CPB1: variants seen among roughly 807,000 people sequenced by gnomAD.
CPB1 encodes the protein carboxypeptidase B1, also known as carboxypeptidase B.
CPB1 carries 53 observed loss-of-function variants against 51.4 expected under a neutral mutation model. The observed-to-expected ratio is 1.03, with a 90% CI of 0.83 to 1.30. The LOEUF (loss-of-function observed/expected upper bound fraction) is 1.30. Ranked by LOEUF, CPB1 falls within the 50% of genes most tolerant of loss-of-function variation. The pLI is 0.00. For missense variants in CPB1, 494 were observed against 516.2 expected, an observed-to-expected ratio of 0.96 and a Z score of 0.42; for synonymous variants, 189 against 186.9, an observed-to-expected ratio of 1.01 and a Z score of -0.09.
intron 9 of CPB1, among the ~76,000 whole-genome samples, chr3:148,848,162 T>G (rs892204034): frequency 2.0e-5 from 3 of 152,170 alleles, no homozygotes; most frequent in Admixed American, 2.0e-4. Flanking sequence ...ACAAGCTCAT[T>G]AACTATAGTG....
chr3:148,838,959 T>G (rs1036615097), intron 3 of CPB1, among the ~76,000 whole-genome samples: 1 of 152,186 alleles, frequency 6.6e-6, no homozygotes, highest in Non-Finnish European at 1.5e-5. Context: ...TTCCTAACTA[T>G]AAGAGACAGA....
At chr3:148,831,694 G>A (rs62274567) in intron 2 of CPB1, among the ~76,000 whole-genome samples, 9,007 of 152,072 alleles carry the variant, frequency 0.059, 317 homozygotes, top group Middle Eastern at 0.095. Flanking sequence ...TCCAATAAGT[G>A]TTCTATATGG....
chr3:148,857,507 C>G lies in CPB1; in HGVS notation c.1032C>G (p.Thr344=). 6.2e-7 allele frequency: 1 copy of G among 1,613,904 alleles called. No homozygotes were observed. The highest frequency in any genetic ancestry group is 8.5e-7 in the Non-Finnish European group (1 of 1,179,888). Reference sequence around the variant, plus strand: ...AAGAACTTGCCTCACTGCACGGCACCAAGTACACATATGGCCCGGGAGCTA... The same window carrying G: ...AAGAACTTGCCTCACTGCACGGCACGAAGTACACATATGGCCCGGGAGCTA... ...TVKELASLHG[T]KYTYGPGATT... is the part of the protein sequence containing the mutation. The change falls in exon 10 of 11, where the codon ACC becomes ACG. Residue 344 remains threonine (T), a synonymous_variant. Transcript: ENST00000282957.
At chr3:148,855,799 C>T (rs1266177731) in intron 9 of CPB1, 1 of 152,166 alleles carries the variant, frequency 6.6e-6, no homozygotes, top group Admixed American at 6.5e-5. Flanking sequence ...TCTTTAAGAT[C>T]AGAGGTTCTG....
rs948361279 is a variant in CPB1, at chr3:148,845,705, A to G, written c.981+79A>G. ...TAATCCTGAAAAAAAAATCATTATA[A>G]GAACACTTTCTGGAAGTCCCTTTAT... On this transcript the variant is annotated intron_variant, in intron 9 of 10. Coordinates refer to ENST00000282957, the MANE Select transcript of CPB1 (RefSeq NM_001871.3). The G allele has an allele frequency of 5.0e-6, 6 of 1,197,886 alleles. No homozygotes were observed. The Admixed American group carries it at 1.0e-4, about 21-fold the overall frequency. 74.2% of individuals were successfully genotyped at this position (1,197,886 alleles called of 1,614,324 possible). A position where few individuals can be genotyped will look rare whatever the true frequency, so the allele number is the denominator to read the frequency against.
At chr3:148,833,461 C>T (rs1712798454) in intron 2 of CPB1, among the ~76,000 whole-genome samples, 1 of 152,098 alleles carries the variant, frequency 6.6e-6, no homozygotes, top group African/African-American at 2.4e-5. Context: ...TGCTGCATAA[C>T]CTCTAAGTCT....
intron 2 of CPB1, among the ~76,000 whole-genome samples, chr3:148,828,550 G>A (rs749893282): frequency 5.3e-5 from 8 of 152,094 alleles, no homozygotes; most frequent in South Asian, 2.1e-4. Flanking sequence ...ATGATATGAC[G>A]TGAGGGGGAA....
At position 148,827,909 on chromosome 3, in the gene CPB1, T is replaced by C. The variant is rs1559954975; in HGVS notation, c.71+15T>C. ...CACTTTGAAGGGTAAGTAAGCCATC[T>C]TTAAGGAGCAAGTCCTTCTTCCTTG... is the stretch of plus-strand genomic sequence containing the variant. On this transcript the variant is annotated intron_variant, in intron 1 of 10. Transcript: ENST00000282957. 6.2e-7 allele frequency: 1 copy of C among 1,614,018 alleles called. No homozygotes were observed. Among genetic ancestry groups the C allele is most frequent in the Non-Finnish European group, 8.5e-7 (1 of 1,179,900 alleles).
At chr3:148,829,922 G>A (rs544468865) in intron 2 of CPB1, among the ~76,000 whole-genome samples, 1 of 152,266 alleles carries the variant, frequency 6.6e-6, no homozygotes, top group South Asian at 2.1e-4. Flanking sequence ...ACTCTGCCTG[G>A]TGCTTTCTGG....
chr3:148,856,714 G>C (rs1379024745), intron 9 of CPB1: 1 of 152,216 alleles, frequency 6.6e-6, no homozygotes. Flanking sequence ...CTTTCCCTAG[G>C]AGTGGGGTGC....
At position 148,840,870 on chromosome 3, in the gene CPB1, G is replaced by C. The variant is rs1483575394; in HGVS notation, c.373-4G>C. 5 of 1,614,006 alleles carry C rather than the reference G, an allele frequency of 3.1e-6. No individual in the cohort carries two copies. In the East Asian group the frequency reaches 1.1e-4, roughly 36 times the overall value. On this transcript the variant is annotated splice_polypyrimidine_tract_variant and splice_region_variant and intron_variant, in intron 4 of 10. Transcript: ENST00000282957. ...ATTGATCTACAAATGATTCCATTTG[G>C]TAGATAGAGGCTTGGACTCAACAAG...
chr3:148,857,482 A>G lies in CPB1; in HGVS notation c.1007A>G (p.Lys336Arg), dbSNP rs773625436. 6.2e-7 allele frequency: 1 copy of G among 1,613,894 alleles called. No individual in the cohort carries two copies. Among genetic ancestry groups the G allele is most frequent in the Admixed American group, 1.7e-5 (1 of 59,986 alleles). ...ELNALAKATV[K>R]ELASLHGTKY... ...AATGCCCTGGCTAAAGCTACTGTGA[A>G]AGAACTTGCCTCACTGCACGGCACC... The change falls in exon 10 of 11, where the codon AAA becomes AGA. Residue 336 changes from lysine (K) to arginine (R), a missense_variant. Lys to Arg is a conservative substitution (Grantham distance 26). Coordinates refer to ENST00000282957, the MANE Select transcript of CPB1 (RefSeq NM_001871.3).
At chr3:148,857,071 T>TTTTTTG (rs766441035) in intron 9 of CPB1, 55,227 of 145,268 alleles carry the variant, frequency 0.38, 11,816 homozygotes, top group East Asian at 0.53. Context: ...TGTTTTTTTT[T>TTTTTTG]TTTTTTTTTT....
chr3:148,845,256 T>G (rs1215138442), intron 8 of CPB1, among the ~76,000 whole-genome samples, 168 bp from the exon 9 acceptor site: 1 of 152,152 alleles, frequency 6.6e-6, no homozygotes, highest in Non-Finnish European at 1.5e-5. Flanking sequence ...ATCCTAATCC[T>G]GTGATTAAAT....
At chr3:148,854,939 A>G (rs1329021693) in intron 9 of CPB1, 1 of 152,248 alleles carries the variant, frequency 6.6e-6, no homozygotes, top group Non-Finnish European at 1.5e-5. Context: ...AATTATCCAT[A>G]TTAGTAAAGA....
intron 2 of CPB1, 79 bp from the exon 3 acceptor site, chr3:148,834,419 A>C: frequency 7.8e-7 from 1 of 1,286,420 alleles, no homozygotes; most frequent in Non-Finnish European, 1.1e-6. Flanking sequence ...AACTCAATTC[A>C]GTAGAGCAAT....
Position 148,834,512 on chromosome 3 carries a change from G to A in CPB1, c.162G>A (p.Lys54=), listed in dbSNP as rs1212355269. 1 of 1,613,620 alleles carries A rather than the reference G, an allele frequency of 6.2e-7. No homozygotes were observed. The highest frequency in any genetic ancestry group is 1.7e-5 in the Admixed American group (1 of 60,002). ...CCTTTATTCAGATTGACTTCTGGAA[G>A]CCAGATTCTGTCACACAAATCAAAC... ...LASTTQIDFW[K]PDSVTQIKPH... The change falls in exon 3 of 11, where the codon AAG becomes AAA. Residue 54 remains lysine (K), a synonymous_variant. Coordinates refer to ENST00000282957, the MANE Select transcript of CPB1 (RefSeq NM_001871.3).
chr3:148,829,385 C>T (rs1043016269), intron 2 of CPB1, among the ~76,000 whole-genome samples: 4 of 152,092 alleles, frequency 2.6e-5, no homozygotes, highest in Non-Finnish European at 4.4e-5. Flanking sequence ...ATTAATGGTG[C>T]CTAAGATTCT....
At chr3:148,834,256 G>A (rs914948704) in intron 2 of CPB1, among the ~76,000 whole-genome samples, 4 of 152,152 alleles carry the variant, frequency 2.6e-5, no homozygotes, top group Admixed American at 6.5e-5. Flanking sequence ...TATGGGAAAT[G>A]ATTCTATGTT....
Sources: allele counts gnomAD v4.1 joint callset (sites outside exome capture counted in the v4.1 genomes callset), GRCh38; gene constraint gnomAD v4.1.1; transcripts MANE v1.5; gene names NCBI Gene and HGNC (gene_info 2026-07-23, HGNC 2026-07-21).